The following NUMA1 variants were observed in gnomAD, a reference collection of about 807,000 sequenced individuals.
NUMA1 encodes nuclear mitotic apparatus protein 1.
A neutral mutation model predicts 237.1 loss-of-function variants in NUMA1; 62 were observed. The observed-to-expected ratio is 0.26, with a 90% CI of 0.21 to 0.32. NUMA1 has a LOEUF of 0.32. NUMA1 is among the 10% of genes least tolerant of loss of function. NUMA1 has a pLI of 1.00. For missense variants in NUMA1, 2,533 were observed against 2,666.5 expected (o/e 0.95, Z 1.10); for synonymous variants, 1,028 against 1,066.1 (o/e 0.96, Z 0.70).
Position 72,007,311 on chromosome 11 carries a change from G to C in NUMA1, c.5341C>G (p.Arg1781Gly). ...ESLYFTPIPA[R>G]SQAPLESSLD... ...CTGCTCTCCAGGGGGGCCTGACTCCGAGCAGGGATGGGAGTGAAGTAGAGA... is the reference window on the plus strand; with the variant it reads ...CTGCTCTCCAGGGGGGCCTGACTCCCAGCAGGGATGGGAGTGAAGTAGAGA... The change falls in exon 21 of 27, where the codon CGG (arginine) becomes GGG (glycine). Residue 1781 changes from arginine (R) to glycine (G), a missense_variant. This residue lies in a region of NUMA1 where 795 missense variants were observed against 750.8 expected (regional missense o/e 1.06). Transcript: ENST00000393695. 6.2e-7 allele frequency: 1 copy of C among 1,613,376 alleles called. No homozygotes were observed. The highest frequency in any genetic ancestry group is 2.2e-5 in the East Asian group (1 of 44,850).
rs1488794831 is a variant in NUMA1, at chr11:72,014,128, C to A, written c.3375G>T (p.Leu1125=). Residue 1125 remains leucine, a synonymous_variant, in exon 15 of 27, where the codon CTG becomes CTT. Coordinates refer to ENST00000393695, the MANE Select transcript of NUMA1 (RefSeq NM_006185.4). This position sits in a 1 kb window ranked among gnomAD's most constrained non-coding sequence, Gnocchi z 4.6. ...TEPTGPKLEA[L]RAEVSKLEQQ... ...GTTCCAGCTTGCTCACCTCTGCCCGCAGTGCCTCCAGCTTGGGGCCTGTTG... is the reference window on the plus strand; with the variant it reads ...GTTCCAGCTTGCTCACCTCTGCCCGAAGTGCCTCCAGCTTGGGGCCTGTTG... 1.2e-6 allele frequency: 2 copies of A among 1,612,582 alleles called. No individual in the cohort carries two copies. Among genetic ancestry groups the A allele is most frequent in the Non-Finnish European group, 1.7e-6 (2 of 1,180,044 alleles).
chr11:72,048,511 A>G (rs1411423004), intron 2 of NUMA1, among the ~76,000 whole-genome samples: 1 of 152,150 alleles, frequency 6.6e-6, no homozygotes, highest in Non-Finnish European at 1.5e-5. Context: ...AGCTGGGATT[A>G]CAGGCGCTCG....
At chr11:72,024,433 A>C in intron 4 of NUMA1, 80 bp from the exon 5 acceptor site, 1 of 1,231,976 alleles carries the variant, frequency 8.1e-7, no homozygotes, top group Non-Finnish European at 1.2e-6. Context: ...GTACCTCCCC[A>C]TTCCTTCCAG....
chr11:72,014,898 G>T lies in NUMA1; in HGVS notation c.2605C>A (p.Arg869=). Residue 869 remains arginine, a synonymous_variant, in exon 15 of 27, where the codon CGG becomes AGG. Transcript: ENST00000393695. The surrounding 1 kb of genome is among the most constrained non-coding windows in gnomAD (Gnocchi z 4.6). The stretch of plus-strand genomic sequence containing the variant: ...AGCTCAGCTAGTTCGTTCTGCTGCC[G>T]GCTTATCTGGAGCTCGCTGTGGGAT... The part of the protein sequence containing the change: ...IESHSELQIS[R]QQNELAELHA... The T allele has an allele frequency of 6.2e-7, 1 of 1,614,184 alleles. No individual in the cohort carries two copies. The highest frequency in any genetic ancestry group is 1.1e-5 in the South Asian group (1 of 91,082).
chr11:72,024,490 G>C (rs1448768501), intron 4 of NUMA1, 137 bp from the exon 5 acceptor site: 3 of 757,882 alleles, frequency 4.0e-6, no homozygotes, highest in Non-Finnish European at 6.8e-6. Context: ...AGATCCTGGA[G>C]GCAGGTGACA....
At position 72,017,819 on chromosome 11, in the gene NUMA1, C is replaced by T; in HGVS notation, c.987G>A (p.Glu329=). 6.2e-7 allele frequency: 1 copy of T among 1,602,408 alleles called. No homozygotes were observed. Among genetic ancestry groups the T allele is most frequent in the Non-Finnish European group, 8.5e-7 (1 of 1,173,586 alleles). The part of the protein sequence containing the change: ...ENGDLSFKLR[E]FASHLQQLQD... ...GTAGCTGCTGCAGATGACTGGCAAA[C>T]TCCCGCAGCTGAGACGGGCAAGTGA... Residue 329 remains glutamate, a synonymous_variant, in exon 13 of 27, where the codon GAG becomes GAA. Transcript: ENST00000393695.
At chr11:72,061,312 T>C (rs537885934) in intron 2 of NUMA1, among the ~76,000 whole-genome samples, 1 of 152,266 alleles carries the variant, frequency 6.6e-6, no homozygotes, top group African/African-American at 2.4e-5. Flanking sequence ...CATGGCTATG[T>C]TACAGTGTGT....
chr11:72,070,413 CACT>C (rs1318986079), intron 1 of NUMA1, among the ~76,000 whole-genome samples: 43 of 152,312 alleles, frequency 2.8e-4, no homozygotes, highest in African/African-American at 1.0e-3. Context: ...CCAGTCTTCC[CACT>C]TCTCTCTGCG....
intron 16 of NUMA1, among the ~76,000 whole-genome samples, chr11:72,011,990 A>G (rs1034916991): frequency 6.6e-6 from 1 of 152,174 alleles, no homozygotes; most frequent in African/African-American, 2.4e-5. Flanking sequence ...GTACTCTGGG[A>G]AAAAGGGACA....
chr11:72,009,040 G>A lies in NUMA1; in HGVS notation c.4985C>T (p.Ala1662Val). 6.2e-7 allele frequency: 1 copy of A among 1,613,794 alleles called. No individual in the cohort carries two copies. The highest frequency in any genetic ancestry group is 8.5e-7 in the Non-Finnish European group (1 of 1,180,020). Reference protein sequence around the residue: ...AERLGHELQQAGLKTKEAEQT... With the variant: ...AERLGHELQQVGLKTKEAEQT... ...TTCAGCCTCCTTGGTCTTCAGCCCA[G>A]CCTGCTGTAGCTCATGGCCCAGCCG... The change falls in exon 19 of 27, where the codon GCT becomes GTT. Residue 1662 changes from alanine to valine, a missense_variant. Physicochemically the swap from Ala to Val is moderately conservative, Grantham distance 64. This residue lies in a region of NUMA1 where 795 missense variants were observed against 750.8 expected (regional missense o/e 1.06). Coordinates refer to ENST00000393695, the MANE Select transcript of NUMA1 (RefSeq NM_006185.4).
chr11:72,009,466 C>T (rs1955995198), intron 17 of NUMA1, 79 bp from the exon 18 acceptor site: 1 of 1,500,718 alleles, frequency 6.7e-7, no homozygotes, highest in Admixed American at 2.2e-5. Context: ...CACTGGGGCT[C>T]CACAGGTGCT....
Position 72,018,432 on chromosome 11 carries a change from G to A in NUMA1, c.824C>T (p.Pro275Leu), listed in dbSNP as rs1200795195. Residue 275 changes from proline (P) to leucine (L), a missense_variant, in exon 11 of 27, where the codon CCC becomes CTC. Physicochemically the swap from Pro to Leu is moderately conservative, Grantham distance 98. Transcript: ENST00000393695. ...NEKQAASPLEPKELEELRDKN... is the reference protein window; with the variant it reads ...NEKQAASPLELKELEELRDKN... Reference sequence around the variant, plus strand: ...GTCACGCAGCTCCTCAAGCTCCTTGGGCTCCAGTGGGCTGGCCGCCTGCTT... The same window carrying A: ...GTCACGCAGCTCCTCAAGCTCCTTGAGCTCCAGTGGGCTGGCCGCCTGCTT... 1 of 1,614,098 alleles carries A rather than the reference G, an allele frequency of 6.2e-7. No individual in the cohort carries two copies. The highest frequency in any genetic ancestry group is 2.2e-5 in the East Asian group (1 of 44,880).
At chr11:72,075,397 T>C (rs977168484) in intron 1 of NUMA1, among the ~76,000 whole-genome samples, 7 of 152,172 alleles carry the variant, frequency 4.6e-5, no homozygotes, top group African/African-American at 1.4e-4. Flanking sequence ...TTCTTCCCAG[T>C]TGCCTTCTAA....
intron 13 of NUMA1, chr11:72,017,432 C>T (rs1474148169): frequency 3.8e-6 from 2 of 525,812 alleles, no homozygotes; most frequent in Non-Finnish European, 6.9e-6. Context: ...TGTCCAAGAT[C>T]CACATCTTGT....
At chr11:72,005,146 G>T in intron 23 of NUMA1, 87 bp downstream of exon 23, 1 of 1,393,796 alleles carries the variant, frequency 7.2e-7, no homozygotes, top group Non-Finnish European at 9.7e-7. Context: ...CAGTGATCCA[G>T]GGCCCTAGTG....
chr11:72,030,106 G>A (rs1002699044), intron 3 of NUMA1, among the ~76,000 whole-genome samples: 2 of 151,926 alleles, frequency 1.3e-5, no homozygotes, highest in Non-Finnish European at 2.9e-5. Flanking sequence ...AGGCTGAGGC[G>A]GGAAGATCAC....
chr11:72,061,486 T>C (rs900410314), intron 2 of NUMA1, among the ~76,000 whole-genome samples: 1 of 95,796 alleles, frequency 1.0e-5, no homozygotes, highest in Non-Finnish European at 2.1e-5. Context: ...GTTTCTTTTC[T>C]TTTTTTTTTT....
intron 3 of NUMA1, among the ~76,000 whole-genome samples, chr11:72,030,014 T>C (rs1385476020): frequency 6.6e-6 from 1 of 151,952 alleles, no homozygotes; most frequent in South Asian, 2.1e-4. Flanking sequence ...GGAAAAACAA[T>C]AGGGGAACAA....
At chr11:72,063,392 GA>G (rs903331038) in intron 2 of NUMA1, among the ~76,000 whole-genome samples, 2 of 150,938 alleles carry the variant, frequency 1.3e-5, no homozygotes, top group Non-Finnish European at 3.0e-5. Context: ...TCAAAACAAA[GA>G]AACAAAGAAA....
Sources: gnomAD v4.1 joint callset for allele counts (sites outside exome capture counted in the v4.1 genomes callset) on GRCh38, gnomAD v4.1.1 for gene constraint, gnomAD v4.1.1 regional missense constraint, Gnocchi (gnomAD v3.1) non-coding constraint, MANE v1.5 for transcripts, NCBI Gene and HGNC (gene_info 2026-07-23, HGNC 2026-07-21) for gene names.